Variants in AAK1 observed in about 807,000 individuals in gnomAD.
The protein encoded by AAK1 is AP2-associated protein kinase 1.
Under a neutral mutation model 116.0 loss-of-function variants are expected in AAK1, and 37 were observed. That is an observed-to-expected ratio of 0.32 (90% CI 0.25 to 0.42). AAK1 has a LOEUF of 0.42. Among genes scored for constraint, AAK1 ranks in the 10% least tolerant of loss-of-function variants. The pLI, the probability that AAK1 is intolerant of heterozygous loss-of-function variation, is 1.00. For synonymous variants in AAK1, 458 were observed against 439.9 expected, an observed-to-expected ratio of 1.04 and a Z score of -0.51; for missense variants, 919 against 1,170.6, an observed-to-expected ratio of 0.79 and a Z score of 3.14.
chr2:69,643,176 T>C lies in AAK1; in HGVS notation c.-136A>G. ...GAGAGGAGCCACCCGAATCCGGCCG[T>C]GGGGGTGGGGGCTGAGGGAGGATGC... On this transcript the variant is annotated 5_prime_UTR_variant, in exon 2 of 22. Coordinates refer to ENST00000409085, the MANE Select transcript of AAK1 (RefSeq NM_014911.5). 1.4e-6 allele frequency: 2 copies of C among 1,420,544 alleles called. No homozygotes were observed. Among genetic ancestry groups the C allele is most frequent in the Non-Finnish European group, 9.1e-7 (1 of 1,099,714 alleles). The allele number at this position is 1,420,544 out of a possible 1,614,324, so 88.0% of individuals were successfully genotyped here.
chr2:69,487,414 G>C (rs1034203263), intron 17 of AAK1, among the ~76,000 whole-genome samples: 3 of 152,216 alleles, frequency 2.0e-5, no homozygotes, highest in Non-Finnish European at 2.9e-5. Context: ...AGAGAAGAGA[G>C]TGGTGAATGT....
intron 2 of AAK1, among the ~76,000 whole-genome samples, chr2:69,637,181 GT>G (rs1057080868): frequency 6.6e-6 from 1 of 152,068 alleles, no homozygotes; most frequent in Admixed American, 6.5e-5. Context: ...CTTCTACCTT[GT>G]CCATCTAGCA....
intron 12 of AAK1, among the ~76,000 whole-genome samples, chr2:69,516,306 G>C (rs1676577644): frequency 7.1e-6 from 1 of 141,276 alleles, no homozygotes; most frequent in Non-Finnish European, 1.5e-5. Context: ...TAAGAATCAA[G>C]ATTTCCAGAA....
intron 12 of AAK1, among the ~76,000 whole-genome samples, chr2:69,515,129 T>G (rs1279759913): frequency 1.3e-5 from 2 of 152,184 alleles, no homozygotes; most frequent in Non-Finnish European, 2.9e-5. Flanking sequence ...ATAAAGGGAT[T>G]TGAAGTAGCC....
At chr2:69,635,240 T>C (rs1675395350) in intron 2 of AAK1, among the ~76,000 whole-genome samples, 1 of 152,104 alleles carries the variant, frequency 6.6e-6, no homozygotes, top group South Asian at 2.1e-4. Flanking sequence ...ATCAAAAGTA[T>C]AAGAAGATAC....
chr2:69,506,868 C>CTGTGTGTGTGTGTGTG (rs10531990), intron 15 of AAK1, among the ~76,000 whole-genome samples: 17 of 149,246 alleles, frequency 1.1e-4, no homozygotes, highest in African/African-American at 4.0e-4. Context: ...GTGCATGTGC[C>CTGTGTGTGTGTGTGTG]TGTGTGTGTG....
intron 2 of AAK1, among the ~76,000 whole-genome samples, chr2:69,565,933 TG>T (rs2105106698): frequency 6.6e-6 from 1 of 151,710 alleles, no homozygotes; most frequent in African/African-American, 2.4e-5. Flanking sequence ...ACTATTCAGG[TG>T]GCAGAGTGTC....
chr2:69,572,336 T>A (rs940305309), intron 2 of AAK1, among the ~76,000 whole-genome samples: 1 of 152,146 alleles, frequency 6.6e-6, no homozygotes, highest in African/African-American at 2.4e-5. Context: ...ATTTTTATTT[T>A]TAAAAAACTG....
rs369666616 is a variant in AAK1 at position 69,478,931 on chromosome 2, G to A, written c.2680+20C>T. The A allele has an allele frequency of 6.4e-7, 1 of 1,568,978 alleles. No homozygotes were observed. Among genetic ancestry groups the A allele is most frequent in the Non-Finnish European group, 8.8e-7 (1 of 1,139,116 alleles). ...CCCCTCTAAGGACACATGTGGGCCT[G>A]AGAAGAAGAAAGCATTTACCTTTAT... On this transcript the variant is annotated intron_variant, in intron 20 of 21. Coordinates refer to ENST00000409085, the MANE Select transcript of AAK1 (RefSeq NM_014911.5).
intron 5 of AAK1, among the ~76,000 whole-genome samples, chr2:69,533,924 G>A (rs913916631): frequency 6.6e-6 from 1 of 152,148 alleles, no homozygotes; most frequent in African/African-American, 2.4e-5. Context: ...CATCATCTAT[G>A]TCTTTTTTAT....
chr2:69,474,969 C>T lies in AAK1; in HGVS notation c.*900G>A, dbSNP rs1674797916. On this transcript the variant is annotated 3_prime_UTR_variant, in exon 22 of 22. Coordinates refer to ENST00000409085, the MANE Select transcript of AAK1 (RefSeq NM_014911.5). ...GCTACAATTCCTTCCCCTCCCCATC[C>T]TCCCCCCACCCCCGCCCCAGTGAAA... The T allele has an allele frequency of 4.2e-5, 11 of 262,318 alleles. No individual in the cohort carries two copies. Among genetic ancestry groups the T allele is most frequent in the South Asian group, 1.7e-4 (1 of 5,934 alleles). 16.2% of individuals were successfully genotyped at this position (262,318 alleles called of 1,614,324 possible).
At chr2:69,612,125 C>T (rs1006285022) in intron 2 of AAK1, among the ~76,000 whole-genome samples, 10 of 152,130 alleles carry the variant, frequency 6.6e-5, no homozygotes, top group Admixed American at 2.0e-4. Context: ...TGCACATGTA[C>T]CCTAGAACTT....
chr2:69,628,421 C>A (rs1675009211), intron 2 of AAK1, among the ~76,000 whole-genome samples: 1 of 152,088 alleles, frequency 6.6e-6, no homozygotes, highest in Non-Finnish European at 1.5e-5. Context: ...CTAGAAGAGA[C>A]CTTCAAGATC....
At chr2:69,624,200 T>A (rs779242508) in intron 2 of AAK1, among the ~76,000 whole-genome samples, 2 of 152,202 alleles carry the variant, frequency 1.3e-5, no homozygotes, top group Non-Finnish European at 2.9e-5. Context: ...AATAAGCATA[T>A]CTTTTGATCC....
chr2:69,594,966 A>G (rs1673201395), intron 2 of AAK1: 3 of 843,892 alleles, frequency 3.6e-6, no homozygotes, highest in Non-Finnish European at 4.1e-6. Context: ...GGGCATACAG[A>G]GAATCCTTGC....
At chr2:69,557,506 T>C (rs1043418528) in intron 2 of AAK1, among the ~76,000 whole-genome samples, 2 of 152,116 alleles carry the variant, frequency 1.3e-5, no homozygotes, top group African/African-American at 4.8e-5. Context: ...TTTTGCTATG[T>C]TGCCCAGGCT....
At chr2:69,493,233 G>T (rs1419250245) in intron 17 of AAK1, among the ~76,000 whole-genome samples, 1 of 151,088 alleles carries the variant, frequency 6.6e-6, no homozygotes, top group Non-Finnish European at 1.5e-5. Flanking sequence ...GAGGCTGAAT[G>T]TTAAAATAAG....
chr2:69,559,210 C>T (rs1284668673), intron 2 of AAK1, among the ~76,000 whole-genome samples: 1 of 150,990 alleles, frequency 6.6e-6, no homozygotes, highest in East Asian at 2.0e-4. Flanking sequence ...TAACATTTTC[C>T]ATTTTCAAAA....
Position 69,465,498 on chromosome 2 carries a change from C to T in AAK1, c.*10371G>A. The stretch of plus-strand genomic sequence containing the variant: ...ATCAGCAGCTGGCAGCTCCGTAGTC[C>T]TGGAGGAAAGGGATGTGATAGAAAC... On this transcript the variant is annotated 3_prime_UTR_variant, in exon 22 of 22. Transcript: ENST00000409085. 1 of 1,290,870 alleles carries T rather than the reference C, an allele frequency of 7.7e-7. No individual in the cohort carries two copies. 80.0% of individuals were successfully genotyped at this position (1,290,870 alleles called of 1,614,324 possible).
Sources: allele counts gnomAD v4.1 joint callset (sites outside exome capture counted in the v4.1 genomes callset), GRCh38; gene constraint gnomAD v4.1.1; transcripts MANE v1.5; gene names NCBI Gene and HGNC (gene_info 2026-07-23, HGNC 2026-07-21).